Variants in NEK11 observed in about 807,000 individuals in gnomAD.
NEK11 encodes serine/threonine-protein kinase Nek11.
Under a neutral mutation model 80.7 loss-of-function variants are expected in NEK11, and 72 were observed. That is an observed-to-expected ratio of 0.89 (90% CI 0.74 to 1.08). The LOEUF (loss-of-function observed/expected upper bound fraction) is 1.08. Ranked by LOEUF, NEK11 falls within the 50% of genes least tolerant of loss-of-function variation. The pLI, the probability that NEK11 is intolerant of heterozygous loss-of-function variation, is 0.00. For missense variants in NEK11, 764 were observed against 763.6 expected, an observed-to-expected ratio of 1.00 and a Z score of -0.01; for synonymous variants, 251 against 260.7, an observed-to-expected ratio of 0.96 and a Z score of 0.36.
At chr3:131,064,156 G>A (rs1560228687) in intron 3 of NEK11, among the ~76,000 whole-genome samples, 1 of 152,164 alleles carries the variant, frequency 6.6e-6, no homozygotes, top group Non-Finnish European at 1.5e-5. Flanking sequence ...TGGTTGCCAG[G>A]GGCTATGGAG....
chr3:131,197,377 G>A lies in NEK11; in HGVS notation c.1399+26490G>A, dbSNP rs550326087. On this transcript the variant is annotated intron_variant, in intron 14 of 17. Coordinates refer to ENST00000383366, the MANE Select transcript of NEK11 (RefSeq NM_024800.5). ...CTAGCAGGCCGGTCCAGGGGTCTGC[G>A]GTAGATCTTAGTCATGGACTGCGTC... is the stretch of plus-strand genomic sequence containing the variant. Among the ~76,000 whole-genome samples the A allele has an allele frequency of 3.9e-5, 6 of 152,234 alleles. No homozygotes were observed. In the South Asian group the frequency reaches 6.2e-4, roughly 16 times the overall value.
chr3:131,155,851 T>C (rs1451529901), intron 10 of NEK11, among the ~76,000 whole-genome samples: 1 of 152,150 alleles, frequency 6.6e-6, no homozygotes, highest in East Asian at 1.9e-4. Context: ...AACGCTACCA[T>C]GTTTGCTTTC....
intron 15 of NEK11, 35 bp from the exon 16 acceptor site, chr3:131,243,401 C>G (rs539267848): frequency 1.3e-6 from 2 of 1,592,010 alleles, no homozygotes; most frequent in Non-Finnish European, 1.7e-6. Flanking sequence ...TTCTACCATA[C>G]AGGGAAAATA....
At chr3:131,335,970 G>A (rs1016485781) in intron 17 of NEK11, among the ~76,000 whole-genome samples, 15 of 152,142 alleles carry the variant, frequency 9.9e-5, no homozygotes, top group African/African-American at 3.4e-4. Context: ...AATAAAAGAG[G>A]ATACAAAGAA....
At position 131,273,579 on chromosome 3, in the gene NEK11, G is replaced by A. The variant is rs752282281; in HGVS notation, c.1718+5G>A. The A allele has an allele frequency of 1.2e-6, 2 of 1,608,962 alleles. No homozygotes were observed. Among genetic ancestry groups the A allele is most frequent in the Non-Finnish European group, 1.7e-6 (2 of 1,175,522 alleles). ...CAAGATGAAACGCATGAGGGAGTAA[G>A]TAGCATGTTGCCTGCCCCCTAGGAA... On this transcript the variant is annotated splice_donor_5th_base_variant and intron_variant, in intron 17 of 17. Transcript: ENST00000383366.
Position 131,165,340 on chromosome 3 carries a change from G to C in NEK11, c.1083-86G>C. On this transcript the variant is annotated intron_variant, in intron 11 of 17. Transcript: ENST00000383366. ...TTTCTAATCCCCCAGTCAGTCTGTTGAAATAAGGATCACACTCATCTGTAT... is the reference window on the plus strand; with the variant it reads ...TTTCTAATCCCCCAGTCAGTCTGTTCAAATAAGGATCACACTCATCTGTAT... 3.6e-6 allele frequency: 3 copies of C among 829,968 alleles called. No individual in the cohort carries two copies. The South Asian group carries it at 4.9e-5, about 14-fold the overall frequency. 51.4% of individuals were successfully genotyped at this position (829,968 alleles called of 1,614,324 possible).
intron 17 of NEK11, chr3:131,330,316 T>C (rs137911356): frequency 6.6e-6 from 1 of 152,298 alleles, no homozygotes; most frequent in Non-Finnish European, 1.5e-5. Context: ...CTAAGATTAT[T>C]ACCTACTAGA....
At position 131,349,545 on chromosome 3, in the gene NEK11, C is replaced by T. The variant is rs758400990; in HGVS notation, c.1719-12C>T. 6.2e-7 allele frequency: 1 copy of T among 1,607,996 alleles called. No individual in the cohort carries two copies. Among genetic ancestry groups the T allele is most frequent in the South Asian group, 1.1e-5 (1 of 90,564 alleles). On this transcript the variant is annotated splice_polypyrimidine_tract_variant and intron_variant, in intron 17 of 17. Coordinates refer to ENST00000383366, the MANE Select transcript of NEK11 (RefSeq NM_024800.5). ...TGTAACTCTTTGTAATCTTTTGTAA[C>T]TTTTTTGACAGATCAGCCATGCAGA...
chr3:131,104,016 C>G (rs1054679641), intron 4 of NEK11, among the ~76,000 whole-genome samples: 1 of 152,160 alleles, frequency 6.6e-6, no homozygotes, highest in African/African-American at 2.4e-5. Flanking sequence ...GAGTGATCAG[C>G]TAGGGATGGG....
intron 17 of NEK11, among the ~76,000 whole-genome samples, chr3:131,320,405 A>G (rs1439784903): frequency 1.3e-5 from 2 of 152,170 alleles, no homozygotes; most frequent in Non-Finnish European, 2.9e-5. Flanking sequence ...ATCTCATGCA[A>G]GGCTGGTGTT....
intron 7 of NEK11, among the ~76,000 whole-genome samples, chr3:131,140,536 G>A (rs996503735): frequency 6.6e-6 from 1 of 152,144 alleles, no homozygotes; most frequent in Non-Finnish European, 1.5e-5. Flanking sequence ...TTGTTTTAAG[G>A]TACTAAGGTT....
intron 14 of NEK11, among the ~76,000 whole-genome samples, chr3:131,220,373 A>T (rs2094979352): frequency 1.0e-5 from 1 of 96,598 alleles, no homozygotes; most frequent in South Asian, 4.6e-4. Flanking sequence ...GAATTTGAGC[A>T]GTTTTTCACA....
At chr3:131,193,747 T>G (rs2093892338) in intron 14 of NEK11, among the ~76,000 whole-genome samples, 1 of 152,160 alleles carries the variant, frequency 6.6e-6, no homozygotes, top group Admixed American at 6.6e-5. Context: ...TGCAAGATCT[T>G]GAAATTGTTG....
chr3:131,204,136 C>T (rs2094368048), intron 14 of NEK11, among the ~76,000 whole-genome samples: 1 of 152,000 alleles, frequency 6.6e-6, no homozygotes, highest in African/African-American at 2.4e-5. Context: ...AATGAAGTCT[C>T]CAAAAAACCC....
At chr3:131,335,999 C>A (rs1362056188) in intron 17 of NEK11, among the ~76,000 whole-genome samples, 1 of 148,930 alleles carries the variant, frequency 6.7e-6, no homozygotes, top group African/African-American at 2.5e-5. Flanking sequence ...ACATTCCATG[C>A]TCATGGGTAG....
At chr3:131,202,711 G>A (rs1270876624) in intron 14 of NEK11, among the ~76,000 whole-genome samples, 1 of 152,026 alleles carries the variant, frequency 6.6e-6, no homozygotes, top group Non-Finnish European at 1.5e-5. Context: ...AATCTACAAA[G>A]AACTTAAACA....
At chr3:131,282,166 G>A (rs1226552780) in intron 17 of NEK11, among the ~76,000 whole-genome samples, 2 of 152,046 alleles carry the variant, frequency 1.3e-5, no homozygotes, top group Admixed American at 6.6e-5. Flanking sequence ...AGGAGTAGGG[G>A]TTTGTGGTGT....
chr3:131,046,958 T>C (rs1456727020), intron 3 of NEK11, among the ~76,000 whole-genome samples: 1 of 152,226 alleles, frequency 6.6e-6, no homozygotes, highest in Admixed American at 6.5e-5. Flanking sequence ...TTTAGCATAA[T>C]CTCAAACCTC....
chr3:131,256,322 A>G (rs2095815820), intron 16 of NEK11, among the ~76,000 whole-genome samples: 1 of 152,210 alleles, frequency 6.6e-6, no homozygotes, highest in South Asian at 2.1e-4. Flanking sequence ...ATTGTATCCC[A>G]TAATTACATA....
Sources: allele counts gnomAD v4.1 joint callset (sites outside exome capture counted in the v4.1 genomes callset), GRCh38; gene constraint gnomAD v4.1.1; transcripts MANE v1.5; gene names NCBI Gene and HGNC (gene_info 2026-07-23, HGNC 2026-07-21).